TACC1: variants seen among roughly 807,000 people sequenced by gnomAD.
TACC1 encodes the protein transforming acidic coiled-coil containing protein 1, also known as transforming acidic coiled-coil-containing protein 1.
TACC1 carries 48 observed loss-of-function variants against 84.4 expected under a neutral mutation model. The ratio of observed to expected loss-of-function variants is 0.57; its 90% confidence interval spans 0.45 to 0.72. The LOEUF (loss-of-function observed/expected upper bound fraction) is 0.72, where lower values mean the gene tolerates loss of function less well. Among genes scored for constraint, TACC1 ranks in the 30% least tolerant of loss-of-function variants. The probability of loss-of-function intolerance (pLI) is 0.00; values close to 1 mark genes in which losing one functional copy is unlikely to be tolerated. For synonymous variants in TACC1, 372 were observed against 376.3 expected (o/e 0.99, Z 0.13); for missense variants, 920 against 973.0 (o/e 0.95, Z 0.72).
chr8:38,813,399 G>T (rs1232607773), intron 2 of TACC1, among the ~76,000 whole-genome samples: 4 of 152,162 alleles, frequency 2.6e-5, no homozygotes, highest in Non-Finnish European at 5.9e-5. Context: ...TCTGTCATTA[G>T]TGGTAAAGAC....
chr8:38,787,211 G>A (rs1398032147), upstream of TACC1: 2 of 992,860 alleles, frequency 2.0e-6, no homozygotes, highest in African/African-American at 3.5e-5. Flanking sequence ...GGCAGCTGAT[G>A]CGCGCCCCGC....
intron 3 of TACC1, among the ~76,000 whole-genome samples, chr8:38,746,645 C>G (rs758975708): frequency 6.6e-6 from 1 of 152,116 alleles, no homozygotes; most frequent in Non-Finnish European, 1.5e-5. Context: ...TTTCCTTTAA[C>G]ATGTCCACTT....
chr8:38,837,789 A>T (rs1830509598), intron 7 of TACC1, among the ~76,000 whole-genome samples: 3 of 152,264 alleles, frequency 2.0e-5, no homozygotes, highest in Non-Finnish European at 4.4e-5. Context: ...GAAGTACAGT[A>T]AGAGGCTGCC....
chr8:38,819,741 T>A lies in TACC1; in HGVS notation c.497T>A (p.Leu166His), dbSNP rs780258446. 1 of 1,614,082 alleles carries A rather than the reference T, an allele frequency of 6.2e-7. No individual in the cohort carries two copies. Among genetic ancestry groups the A allele is most frequent in the South Asian group, 1.1e-5 (1 of 91,084 alleles). Residue 166 changes from leucine to histidine, a missense_variant, in exon 3 of 13, where the codon CTC becomes CAC. Physicochemically the swap from Leu to His is moderately conservative, Grantham distance 99. This residue lies in a region of TACC1 where 762 missense variants were observed against 747.3 expected (regional missense o/e 1.02). Coordinates refer to ENST00000317827, the MANE Select transcript of TACC1 (RefSeq NM_006283.3). The part of the protein sequence containing the change: ...TKDSTDISAV[L>H]GTKAAHGCVT... Reference sequence around the variant, plus strand: ...GATTCCACGGATATCTCGGCAGTCCTCGGAACAAAAGCAGCTCATGGCTGT... The same window carrying A: ...GATTCCACGGATATCTCGGCAGTCCACGGAACAAAAGCAGCTCATGGCTGT...
At chr8:38,794,114 G>A (rs1462247427) in intron 2 of TACC1, among the ~76,000 whole-genome samples, 1 of 152,136 alleles carries the variant, frequency 6.6e-6, no homozygotes, top group African/African-American at 2.4e-5. Context: ...TTGCAAAGGG[G>A]AAGTGATGTA....
chr8:38,821,713 GA>G (rs1243933118), intron 3 of TACC1, among the ~76,000 whole-genome samples: 6 of 152,100 alleles, frequency 3.9e-5, no homozygotes, highest in Non-Finnish European at 8.8e-5. Context: ...TTTGCTACAG[GA>G]TTACTTTATC....
At chr8:38,792,700 C>T (rs567973648) in intron 2 of TACC1, among the ~76,000 whole-genome samples, 7 of 152,254 alleles carry the variant, frequency 4.6e-5, no homozygotes, top group East Asian at 3.9e-4. Flanking sequence ...CTCCTGACCT[C>T]GTGATCCGCC....
intron 2 of TACC1, among the ~76,000 whole-genome samples, chr8:38,812,042 T>C (rs7833768): frequency 0.55 from 84,073 of 151,910 alleles, 23,400 homozygotes; most frequent in Middle Eastern, 0.59. Context: ...TGAAATACGC[T>C]GTGGTCTCCT....
intron 3 of TACC1, among the ~76,000 whole-genome samples, chr8:38,770,548 C>T (rs1286522250): frequency 6.6e-6 from 1 of 152,176 alleles, no homozygotes; most frequent in Non-Finnish European, 1.5e-5. Flanking sequence ...ATCAGTTCCT[C>T]GCAGGCTGCG....
At chr8:38,835,620 G>A (rs1830078392) in intron 6 of TACC1, among the ~76,000 whole-genome samples, 1 of 152,272 alleles carries the variant, frequency 6.6e-6, no homozygotes, top group South Asian at 2.1e-4. Context: ...AATCATCCGG[G>A]TGAAAGGGTG....
intron 2 of TACC1, among the ~76,000 whole-genome samples, chr8:38,797,817 C>A (rs73677606): frequency 0.012 from 1,856 of 152,332 alleles, 39 homozygotes; most frequent in African/African-American, 0.043. Flanking sequence ...CTCTTTCCCC[C>A]CTTGCTCTTC....
upstream of TACC1, among the ~76,000 whole-genome samples, chr8:38,785,361 TA>T (rs1280373754): frequency 2.0e-5 from 3 of 152,110 alleles, no homozygotes; most frequent in African/African-American, 7.2e-5. Context: ...TTGGGCATAT[TA>T]AAGATTGACA....
chr8:38,809,065 GT>G (rs1823443134), intron 2 of TACC1, among the ~76,000 whole-genome samples: 3 of 152,078 alleles, frequency 2.0e-5, no homozygotes, highest in Non-Finnish European at 4.4e-5. Flanking sequence ...TTTCAGTGGA[GT>G]TCCTTCAGCC....
chr8:38,752,044 A>G (rs1349408299), intron 3 of TACC1, among the ~76,000 whole-genome samples: 3 of 152,204 alleles, frequency 2.0e-5, no homozygotes, highest in Admixed American at 2.0e-4. Flanking sequence ...GTTAGTGCCC[A>G]TCCCTCTGCA....
intron 6 of TACC1, among the ~76,000 whole-genome samples, chr8:38,832,701 G>A (rs192694577): frequency 8.5e-5 from 13 of 152,284 alleles, no homozygotes; most frequent in Non-Finnish European, 1.3e-4. Flanking sequence ...CATTTTTCAC[G>A]TAAGAAGTTA....
intron 2 of TACC1, among the ~76,000 whole-genome samples, chr8:38,800,548 C>G (rs972568788): frequency 2.0e-5 from 3 of 152,152 alleles, no homozygotes; most frequent in African/African-American, 7.2e-5. Context: ...AGTTCACTAA[C>G]CATGTTTTCA....
At chr8:38,766,223 T>TA (rs1199704002) in intron 3 of TACC1, among the ~76,000 whole-genome samples, 2 of 152,218 alleles carry the variant, frequency 1.3e-5, no homozygotes, top group African/African-American at 4.8e-5. Flanking sequence ...CCAGAACACT[T>TA]ACTGTTACAG....
chr8:38,735,458 G>C (rs1805782973), intron 1 of TACC1, among the ~76,000 whole-genome samples: 1 of 152,216 alleles, frequency 6.6e-6, no homozygotes, highest in Non-Finnish European at 1.5e-5. Context: ...CTTCCGGGTA[G>C]ATTTAGCCAG....
chr8:38,804,270 A>C (rs557844274), intron 2 of TACC1, among the ~76,000 whole-genome samples: 1 of 152,282 alleles, frequency 6.6e-6, no homozygotes, highest in East Asian at 1.9e-4. Context: ...ACTCAATGTC[A>C]AGAGTAGCCC....
Sources: gnomAD v4.1 joint callset for allele counts (sites outside exome capture counted in the v4.1 genomes callset) on GRCh38, gnomAD v4.1.1 for gene constraint, gnomAD v4.1.1 regional missense constraint, MANE v1.5 for transcripts, NCBI Gene and HGNC (gene_info 2026-07-23, HGNC 2026-07-21) for gene names.